Variants in PRKN observed in about 807,000 individuals in gnomAD.
PRKN encodes E3 ubiquitin-protein ligase parkin.
Under a neutral mutation model 59.5 loss-of-function variants are expected in PRKN, and 56 were observed. The observed-to-expected ratio is 0.94, with a 90% CI of 0.76 to 1.18. PRKN has a LOEUF of 1.18. Among genes scored for constraint, PRKN ranks in the 50% most tolerant of loss-of-function variants. The pLI, the probability that PRKN is intolerant of heterozygous loss-of-function variation, is 0.00. For missense variants in PRKN, 657 were observed against 596.4 expected (o/e 1.10, Z -1.06); for synonymous variants, 250 against 222.1 (o/e 1.13, Z -1.12).
intron 6 of PRKN, among the ~76,000 whole-genome samples, chr6:161,849,741 T>C (rs1793348584): frequency 6.6e-6 from 1 of 152,240 alleles, no homozygotes; most frequent in African/African-American, 2.4e-5. Flanking sequence ...GGTTCACATT[T>C]AGTCTTATAA....
chr6:162,380,490 T>C (rs575659671), intron 2 of PRKN, among the ~76,000 whole-genome samples: 784 of 41,528 alleles, frequency 0.019, 9 homozygotes, highest in African/African-American at 0.068. Flanking sequence ...TATGTATATA[T>C]ACACACATAT....
chr6:161,422,745 G>A (rs1788158628), intron 9 of PRKN, among the ~76,000 whole-genome samples: 3 of 152,084 alleles, frequency 2.0e-5, no homozygotes, highest in South Asian at 4.1e-4. Flanking sequence ...GGCAGGCAGG[G>A]AGCAAGGAAG....
chr6:162,181,713 T>A (rs1783811933), intron 4 of PRKN, among the ~76,000 whole-genome samples: 1 of 152,150 alleles, frequency 6.6e-6, no homozygotes, highest in Admixed American at 6.5e-5. Context: ...TAAGTGGGAA[T>A]CAGGTCCTAA....
At chr6:162,289,364 A>G (rs774761648) in intron 2 of PRKN, among the ~76,000 whole-genome samples, 5 of 151,918 alleles carry the variant, frequency 3.3e-5, no homozygotes, top group Non-Finnish European at 7.4e-5. Flanking sequence ...TAAAGACCTG[A>G]TCTCTCCAAA....
intron 7 of PRKN, among the ~76,000 whole-genome samples, chr6:161,603,115 A>G (rs1782162846): frequency 6.6e-6 from 1 of 152,208 alleles, no homozygotes; most frequent in Non-Finnish European, 1.5e-5. Context: ...ATCCACATTC[A>G]TAAGCGTAGC....
intron 6 of PRKN, among the ~76,000 whole-genome samples, chr6:161,875,340 C>T (rs998308203): frequency 2.0e-5 from 3 of 150,962 alleles, no homozygotes; most frequent in South Asian, 2.1e-4. Context: ...ATTACATGTG[C>T]GAGCCATCAC....
chr6:161,688,048 C>T (rs1263355667), intron 7 of PRKN, among the ~76,000 whole-genome samples: 1 of 152,164 alleles, frequency 6.6e-6, no homozygotes, highest in African/African-American at 2.4e-5. Context: ...TTCAACCTCC[C>T]CCGCAATTCT....
intron 2 of PRKN, among the ~76,000 whole-genome samples, chr6:162,327,308 G>A (rs1161632420): frequency 1.3e-5 from 2 of 152,068 alleles, no homozygotes; most frequent in African/African-American, 4.8e-5. Flanking sequence ...TGCAGCATAA[G>A]TTCTTTTTTG....
Position 162,278,737 on chromosome 6 carries a change from C to A in PRKN, c.172-15972G>T, listed in dbSNP as rs190565052. Among the ~76,000 whole-genome samples the A allele has an allele frequency of 2.6e-3, 403 of 152,214 alleles. 3 individuals are homozygous for A. Among genetic ancestry groups the A allele is most frequent in the African/African-American group, 9.1e-3 (378 of 41,534 alleles). The stretch of plus-strand genomic sequence containing the variant: ...TTTACATCACACATTACAGCGGCTA[C>A]ACAGAAGATTGCCCTTTGCCTTTGT... On this transcript the variant is annotated intron_variant, in intron 2 of 11. Transcript: ENST00000366898.
intron 2 of PRKN, among the ~76,000 whole-genome samples, chr6:162,426,527 T>A (rs545857461): frequency 9.2e-5 from 14 of 152,350 alleles, no homozygotes; most frequent in South Asian, 2.1e-4. Context: ...CTCGGCTCAC[T>A]ACAACCTCTG....
chr6:162,260,735 C>A (rs1480456170), intron 3 of PRKN, among the ~76,000 whole-genome samples: 1 of 152,118 alleles, frequency 6.6e-6, no homozygotes, highest in East Asian at 1.9e-4. Flanking sequence ...CAACAGGATT[C>A]TTGTGCTCAA....
At chr6:161,978,016 G>GTATTGTATTTTATTTTATTT (rs1195203435) in intron 5 of PRKN, among the ~76,000 whole-genome samples, 2 of 148,484 alleles carry the variant, frequency 1.3e-5, no homozygotes, top group African/African-American at 5.2e-5. Context: ...TTATTTTATT[G>GTATTGTATTTTATTTTATTT]TATTTTATTT....
intron 1 of PRKN, among the ~76,000 whole-genome samples, chr6:162,560,096 C>G (rs540471169): frequency 2.0e-5 from 3 of 152,248 alleles, no homozygotes; most frequent in African/African-American, 7.2e-5. Flanking sequence ...ATAAACATAA[C>G]TTATCAACGA....
rs113649534 is a variant in PRKN, at chr6:162,680,510, C to T, written c.7+47152G>A. Among the ~76,000 whole-genome samples, 787 of 152,004 alleles carry T rather than the reference C, an allele frequency of 5.2e-3. 7 individuals are homozygous for T. Among genetic ancestry groups the T allele is most frequent in the African/African-American group, 0.017 (719 of 41,484 alleles). Reference sequence around the variant, plus strand: ...CTGCAATTTTAACCCCACAGATGAGCCTTGATAAAGTAATGAGAGAGCAAT... The same window carrying T: ...CTGCAATTTTAACCCCACAGATGAGTCTTGATAAAGTAATGAGAGAGCAAT... On this transcript the variant is annotated intron_variant, in intron 1 of 11. Transcript: ENST00000366898.
At chr6:162,583,347 G>A (rs1780863763) in intron 1 of PRKN, among the ~76,000 whole-genome samples, 1 of 152,222 alleles carries the variant, frequency 6.6e-6, no homozygotes, top group African/African-American at 2.4e-5. Context: ...AGGGTTTAGA[G>A]TTAGCTTCTG....
rs569733840 is a variant in PRKN at position 162,524,044 on chromosome 6, T to A, written c.8-80571A>T. On this transcript the variant is annotated intron_variant, in intron 1 of 11. Coordinates refer to ENST00000366898, the MANE Select transcript of PRKN (RefSeq NM_004562.3). ...TTCTGTGCCCCCGTTATAACTCAGA[T>A]GTTTAAAAAAAAAGAAATGGGGTTA... Among the ~76,000 whole-genome samples the A allele has an allele frequency of 2.0e-5, 3 of 152,160 alleles. No individual in the cohort carries two copies. In the South Asian group the frequency reaches 6.2e-4, roughly 32 times the overall value.
intron 2 of PRKN, among the ~76,000 whole-genome samples, chr6:162,437,695 G>A (rs1789844920): frequency 6.6e-6 from 1 of 152,084 alleles, no homozygotes; most frequent in African/African-American, 2.4e-5. Context: ...GATCTTTGGG[G>A]ATGGGCTTTT....
chr6:161,996,842 T>TG (rs1781864952), intron 5 of PRKN, among the ~76,000 whole-genome samples: 1 of 152,120 alleles, frequency 6.6e-6, no homozygotes, highest in African/African-American at 2.4e-5. Flanking sequence ...AAAAACGTTT[T>TG]ATTTTTTTTT....
intron 6 of PRKN, among the ~76,000 whole-genome samples, chr6:161,874,719 C>CAATATATACAAAATATAT (rs1562355773): frequency 1.1e-4 from 9 of 84,342 alleles, no homozygotes; most frequent in African/African-American, 4.7e-4. Flanking sequence ...ATAAAATGTA[C>CAATATATACAAAATATAT]AATATATAAA....
Sources: gnomAD v4.1 joint callset for allele counts (sites outside exome capture counted in the v4.1 genomes callset) on GRCh38, gnomAD v4.1.1 for gene constraint, MANE v1.5 for transcripts, NCBI Gene and HGNC (gene_info 2026-07-23, HGNC 2026-07-21) for gene names.